SUDS3: variants seen among roughly 807,000 people sequenced by gnomAD.
The protein encoded by SUDS3 is SIN3A corepressor complex component SDS3.
Under a neutral mutation model 53.5 loss-of-function variants are expected in SUDS3, and 23 were observed. That is an observed-to-expected ratio of 0.43 (90% CI 0.31 to 0.61). The LOEUF (loss-of-function observed/expected upper bound fraction) is 0.61, where lower values mean the gene tolerates loss of function less well. SUDS3 is among the 20% of genes least tolerant of loss of function. SUDS3 has a pLI of 0.10. For missense variants in SUDS3, 291 were observed against 405.9 expected (o/e 0.72, Z 2.43); for synonymous variants, 150 against 148.5 (o/e 1.01, Z -0.08).
At chr12:118,378,036 C>G (rs1341649906) in intron 1 of SUDS3, among the ~76,000 whole-genome samples, 2 of 152,168 alleles carry the variant, frequency 1.3e-5, no homozygotes, top group African/African-American at 4.8e-5. Context: ...CACGGCTTAA[C>G]CAGAGATTTT....
intron 4 of SUDS3, among the ~76,000 whole-genome samples, chr12:118,387,099 C>A (rs1434381628): frequency 6.6e-6 from 1 of 152,168 alleles, no homozygotes; most frequent in African/African-American, 2.4e-5. Flanking sequence ...AGAAGCTGCC[C>A]AGTGCACACC....
intron 2 of SUDS3, among the ~76,000 whole-genome samples, chr12:118,380,638 AAG>A (rs2046048752): frequency 6.6e-6 from 1 of 152,240 alleles, no homozygotes; most frequent in Admixed American, 6.5e-5. Context: ...ACTCTCTAGA[AAG>A]AATCTTGAGG....
intron 6 of SUDS3, among the ~76,000 whole-genome samples, chr12:118,397,405 C>G (rs186218310): frequency 1.9e-3 from 285 of 152,256 alleles, no homozygotes; most frequent in African/African-American, 6.6e-3. Context: ...GCACTCAGAC[C>G]TGGGTTGTCA....
chr12:118,378,577 G>A (rs2141357186), intron 1 of SUDS3, among the ~76,000 whole-genome samples: 1 of 151,936 alleles, frequency 6.6e-6, no homozygotes, highest in African/African-American at 2.4e-5. Context: ...CATCTCCTGG[G>A]TTCAAGCAGT....
At chr12:118,376,875 G>C (rs755654134) in intron 1 of SUDS3, 42 bp downstream of exon 1, 3 of 1,273,532 alleles carry the variant, frequency 2.4e-6, no homozygotes, top group Non-Finnish European at 3.1e-6. Flanking sequence ...GCGGAGGTGG[G>C]ACCGCTGGGG....
In SUDS3 at chr12:118,416,168, A is replaced by T. The variant is rs779531054; in HGVS notation, c.*1735A>T. ...CTGTTACACATACGATGTGTGTGTC[A>T]CATCACATATTGTGCAGCTGTTGGT... On this transcript the variant is annotated 3_prime_UTR_variant, in exon 12 of 12. Transcript: ENST00000543473. 6.6e-6 allele frequency: 1 copy of T among 152,184 alleles called. No homozygotes were observed. The highest frequency in any genetic ancestry group is 2.4e-5 in the African/African-American group (1 of 41,444). 9.4% of individuals were successfully genotyped at this position (152,184 alleles called of 1,614,324 possible). A position where few individuals can be genotyped will look rare whatever the true frequency, so the allele number is the denominator to read the frequency against.
intron 6 of SUDS3, among the ~76,000 whole-genome samples, chr12:118,397,958 C>G (rs565255555): frequency 4.6e-5 from 7 of 152,246 alleles, no homozygotes; most frequent in Non-Finnish European, 8.8e-5. Context: ...ATGTGCTTTT[C>G]CTTTGGTGCT....
intron 2 of SUDS3, among the ~76,000 whole-genome samples, chr12:118,380,787 C>G (rs1224783923): frequency 2.0e-5 from 3 of 152,008 alleles, no homozygotes; most frequent in Non-Finnish European, 2.9e-5. Context: ...TCACTGCAAC[C>G]ACCGCCTTCC....
chr12:118,392,623 CACCGTGGT>C (rs1185427475), intron 6 of SUDS3, among the ~76,000 whole-genome samples: 1 of 152,214 alleles, frequency 6.6e-6, no homozygotes, highest in Non-Finnish European at 1.5e-5. Flanking sequence ...AGACCAGTAG[CACCGTGGT>C]ACCTTATCTG....
chr12:118,405,737 G>A (rs1286404096), intron 10 of SUDS3, among the ~76,000 whole-genome samples: 1 of 152,166 alleles, frequency 6.6e-6, no homozygotes. Flanking sequence ...GTGTTCCTGG[G>A]AATACTGGCT....
At position 118,417,362 on chromosome 12, in the gene SUDS3, T is replaced by C. The variant is rs1199092463; in HGVS notation, c.*2929T>C. 1 of 152,210 alleles carries C rather than the reference T, an allele frequency of 6.6e-6. No individual in the cohort carries two copies. Among genetic ancestry groups the C allele is most frequent in the African/African-American group, 2.4e-5 (1 of 41,452 alleles). 9.4% of individuals were successfully genotyped at this position (152,210 alleles called of 1,614,324 possible). On this transcript the variant is annotated 3_prime_UTR_variant, in exon 12 of 12. Coordinates refer to ENST00000543473, the MANE Select transcript of SUDS3 (RefSeq NM_022491.3). ...ATGGGGTTTAGAATGGGGTTGACTG[T>C]ATTTTTTAACCTAATTCTGGAGAGA...
chr12:118,396,278 C>T (rs910531039), intron 6 of SUDS3, among the ~76,000 whole-genome samples: 13 of 152,148 alleles, frequency 8.5e-5, no homozygotes. Flanking sequence ...TTTTTTGAGA[C>T]GGGGTCTTGC....
At chr12:118,377,479 G>A (rs907842106) in intron 1 of SUDS3, among the ~76,000 whole-genome samples, 1 of 152,044 alleles carries the variant, frequency 6.6e-6, no homozygotes, top group Non-Finnish European at 1.5e-5. Flanking sequence ...AAAGTACTTG[G>A]CCTGGTACTG....
chr12:118,391,109 G>A lies in SUDS3; in HGVS notation c.361-17G>A. The stretch of plus-strand genomic sequence containing the variant: ...CCAGGGCTGTGTACTCCCAGCCCGT[G>A]TTTCTCTTTTGCTCAGACTGAACAA... On this transcript the variant is annotated splice_polypyrimidine_tract_variant and intron_variant, in intron 5 of 11. Transcript: ENST00000543473. The A allele has an allele frequency of 6.2e-7, 1 of 1,611,720 alleles. No individual in the cohort carries two copies. Among genetic ancestry groups the A allele is most frequent in the South Asian group, 1.1e-5 (1 of 90,750 alleles).
At position 118,376,634 on chromosome 12, in the gene SUDS3, A is replaced by G; in HGVS notation, c.-58A>G. On this transcript the variant is annotated 5_prime_UTR_variant, in exon 1 of 12. Coordinates refer to ENST00000543473, the MANE Select transcript of SUDS3 (RefSeq NM_022491.3). ...GGACACTGCTAGGCAGACGGCGAGT[A>G]CCGAGCGCGGGTGGCCGCGGTGTCC... 13 of 1,403,032 alleles carry G rather than the reference A, an allele frequency of 9.3e-6. No individual in the cohort carries two copies. Among genetic ancestry groups the G allele is most frequent in the Non-Finnish European group, 1.2e-5 (13 of 1,086,286 alleles). 86.9% of individuals were successfully genotyped at this position (1,403,032 alleles called of 1,614,324 possible). A position where few individuals can be genotyped will look rare whatever the true frequency, so the allele number is the denominator to read the frequency against.
intron 11 of SUDS3, among the ~76,000 whole-genome samples, chr12:118,412,836 T>A (rs142950827): frequency 1.3e-5 from 2 of 152,324 alleles, no homozygotes; most frequent in African/African-American, 4.8e-5. Context: ...ATGGTGACAC[T>A]GAAACACGTC....
intron 11 of SUDS3, among the ~76,000 whole-genome samples, chr12:118,413,602 C>T (rs1193584471): frequency 6.6e-6 from 1 of 152,206 alleles, no homozygotes; most frequent in Non-Finnish European, 1.5e-5. Context: ...GCAGCAGCTC[C>T]CCTTCTCACC....
Position 118,403,523 on chromosome 12 carries a change from T to C in SUDS3, c.803+6T>C. 4 of 1,609,064 alleles carry C rather than the reference T, an allele frequency of 2.5e-6. No homozygotes were observed. Among genetic ancestry groups the C allele is most frequent in the Non-Finnish European group, 2.5e-6 (3 of 1,177,348 alleles). ...CTGTACTATGACAAAAGATGGTATG[T>C]TATGGGAAAACCTGGACTAGTAAGA... On this transcript the variant is annotated splice_donor_region_variant and intron_variant, in intron 10 of 11. Transcript: ENST00000543473.
Position 118,411,055 on chromosome 12 carries a change from G to T in SUDS3, c.804-18G>T. 1 of 1,593,110 alleles carries T rather than the reference G, an allele frequency of 6.3e-7. No homozygotes were observed. The highest frequency in any genetic ancestry group is 8.6e-7 in the Non-Finnish European group (1 of 1,169,052). On this transcript the variant is annotated intron_variant, in intron 10 of 11. Transcript: ENST00000543473. ...TCTGTCCCTCCCTTTTTAAAAATGT[G>T]TGCCTTGTTTTTGTCAGGTACCACA...
Sources: allele counts gnomAD v4.1 joint callset (sites outside exome capture counted in the v4.1 genomes callset), GRCh38; gene constraint gnomAD v4.1.1; transcripts MANE v1.5; gene names NCBI Gene and HGNC (gene_info 2026-07-23, HGNC 2026-07-21).